GMEB1: variants seen among roughly 807,000 people sequenced by gnomAD.
The protein encoded by GMEB1 is glucocorticoid modulatory element binding protein 1.
In GMEB1, 6 loss-of-function variants were observed where a neutral mutation model predicts 52.4. The ratio of observed to expected loss-of-function variants is 0.11; its 90% confidence interval spans 0.06 to 0.23. The LOEUF is 0.23. Ranked by LOEUF, GMEB1 falls within the 10% of genes least tolerant of loss-of-function variation. The pLI is 1.00. For synonymous variants in GMEB1, 255 were observed against 244.9 expected, an observed-to-expected ratio of 1.04 and a Z score of -0.38; for missense variants, 486 against 685.6, an observed-to-expected ratio of 0.71 and a Z score of 3.25.
rs538854427 is a variant in GMEB1, at chr1:28,717,108, G to A, written c.*2335G>A. On this transcript the variant is annotated 3_prime_UTR_variant, in exon 10 of 10. Transcript: ENST00000373816. ...CAACAGATGTTGGAAACCCCATCGA[G>A]CAAGTAAAAGTTGCATTCTCCATCC... 2 of 151,070 alleles carry A rather than the reference G, an allele frequency of 1.3e-5. No homozygotes were observed. The highest frequency in any genetic ancestry group is 1.9e-4 in the East Asian group (1 of 5,142). The allele number at this position is 151,070 out of a possible 1,614,324, so 9.4% of individuals were successfully genotyped here. A position where few individuals can be genotyped will look rare whatever the true frequency, so the allele number is the denominator to read the frequency against.
intron 1 of GMEB1, among the ~76,000 whole-genome samples, chr1:28,672,391 T>G (rs1385655704): frequency 6.7e-6 from 1 of 148,902 alleles, no homozygotes; most frequent in African/African-American, 2.5e-5. Context: ...CTAATTTTTT[T>G]TTTTTGTATT....
rs1557527613 is a variant in GMEB1, at chr1:28,714,859, A to G, written c.*86A>G. 2 of 896,712 alleles carry G rather than the reference A, an allele frequency of 2.2e-6. No homozygotes were observed. Among genetic ancestry groups the G allele is most frequent in the Admixed American group, 2.7e-5 (1 of 37,598 alleles). The allele number at this position is 896,712 out of a possible 1,614,324, so 55.5% of individuals were successfully genotyped here. A position where few individuals can be genotyped will look rare whatever the true frequency, so the allele number is the denominator to read the frequency against. ...TTATCATTGTCCCACTCATTTCCAC[A>G]TAGGACCCTTTTTTAAAAAAAAAAA... is the stretch of plus-strand genomic sequence containing the variant. On this transcript the variant is annotated 3_prime_UTR_variant, in exon 10 of 10. Coordinates refer to ENST00000373816, the MANE Select transcript of GMEB1 (RefSeq NM_001319674.2).
chr1:28,688,058 G>A (rs910476740), intron 2 of GMEB1, among the ~76,000 whole-genome samples: 3 of 152,146 alleles, frequency 2.0e-5, no homozygotes, highest in African/African-American at 7.2e-5. Context: ...GCGGAGGTGG[G>A]CAGATCACCT....
chr1:28,668,736 C>A (rs983609700), upstream of GMEB1: 9 of 152,618 alleles, frequency 5.9e-5, no homozygotes, highest in African/African-American at 1.9e-4. Context: ...GTGTTGAAGC[C>A]CGGCCTGGCG....
chr1:28,683,797 GA>G lies in GMEB1; in HGVS notation c.128+60del. On this transcript the variant is annotated intron_variant, in intron 2 of 9. Transcript: ENST00000373816. ...TATTTTGGGAAGCTTCAAGGGTGGGGAAATTATAACTTTATGGTTGCTTAGC... is the reference window on the plus strand; with the variant it reads ...TATTTTGGGAAGCTTCAAGGGTGGGGAATTATAACTTTATGGTTGCTTAGC... The G allele has an allele frequency of 8.4e-6, 13 of 1,544,458 alleles. No individual in the cohort carries two copies. The South Asian group carries it at 1.5e-4, about 18-fold the overall frequency.
chr1:28,673,360 G>A (rs1403342349), intron 1 of GMEB1, among the ~76,000 whole-genome samples: 5 of 152,136 alleles, frequency 3.3e-5, no homozygotes, highest in Non-Finnish European at 7.4e-5. Context: ...GGGTTCAAGC[G>A]ATTCTCCTGC....
intron 6 of GMEB1, among the ~76,000 whole-genome samples, chr1:28,698,285 C>G (rs1670323178): frequency 6.7e-6 from 1 of 148,400 alleles, no homozygotes; most frequent in Non-Finnish European, 1.5e-5. Context: ...GGGAGAATTG[C>G]TTGAACCTGG....
chr1:28,673,085 T>C (rs1668976240), intron 1 of GMEB1, among the ~76,000 whole-genome samples: 1 of 151,870 alleles, frequency 6.6e-6, no homozygotes. Flanking sequence ...AGTAGAGACG[T>C]GGTTTCTCCA....
At chr1:28,702,007 C>G (rs781416263) in intron 6 of GMEB1, among the ~76,000 whole-genome samples, 27 of 152,154 alleles carry the variant, frequency 1.8e-4, no homozygotes, top group Non-Finnish European at 5.9e-5. Flanking sequence ...TAGCATCAGA[C>G]TTGCTTGTAG....
chr1:28,669,439 G>C (rs892674539), intron 1 of GMEB1, among the ~76,000 whole-genome samples: 4 of 152,144 alleles, frequency 2.6e-5, no homozygotes, highest in Non-Finnish European at 5.9e-5. Flanking sequence ...CTTGGCGGGA[G>C]AGCAAGAGTA....
rs553463106 is a variant in GMEB1, at chr1:28,702,994, G to A, written c.730+425G>A. ...ATCGCGCCACTGCACTCCAGCCTGG[G>A]CGACTAAGCAAGACTCCATCTCAAA... On this transcript the variant is annotated intron_variant, in intron 7 of 9. Coordinates refer to ENST00000373816, the MANE Select transcript of GMEB1 (RefSeq NM_001319674.2). 2.6e-5 allele frequency among the ~76,000 whole-genome samples: 4 copies of A among 152,272 alleles called. No homozygotes were observed. In the South Asian group the frequency reaches 6.2e-4, roughly 24 times the overall value.
In GMEB1 at chr1:28,714,557, C is replaced by A. The variant is rs200465440; in HGVS notation, c.1476C>A (p.Ser492=). The A allele has an allele frequency of 1.2e-6, 2 of 1,613,998 alleles. No homozygotes were observed. The highest frequency in any genetic ancestry group is 1.7e-6 in the Non-Finnish European group (2 of 1,180,032). Residue 492 remains serine, a synonymous_variant, in exon 10 of 10, where the codon TCC becomes TCA. Coordinates refer to ENST00000373816, the MANE Select transcript of GMEB1 (RefSeq NM_001319674.2). ...VSPVELVAME[S]GLTSAIQAVE... Reference sequence around the variant, plus strand: ...CTGTGGAATTGGTGGCCATGGAGTCCGGCCTAACCTCGGCAATTCAGGCTG... The same window carrying A: ...CTGTGGAATTGGTGGCCATGGAGTCAGGCCTAACCTCGGCAATTCAGGCTG...
chr1:28,699,288 A>G (rs1670380286), intron 6 of GMEB1, among the ~76,000 whole-genome samples: 1 of 152,210 alleles, frequency 6.6e-6, no homozygotes, highest in Non-Finnish European at 1.5e-5. Context: ...TTAAGGATTT[A>G]GTTAGTCCAG....
chr1:28,671,523 C>T (rs1246422825), intron 1 of GMEB1, among the ~76,000 whole-genome samples: 2 of 152,036 alleles, frequency 1.3e-5, no homozygotes, highest in African/African-American at 4.8e-5. Flanking sequence ...CTCGGCCTCT[C>T]TTTAGCTCGA....
chr1:28,719,137 G>C lies in GMEB1; in HGVS notation c.*4364G>C, dbSNP rs1470109244. 6.6e-6 allele frequency: 1 copy of C among 152,168 alleles called. No homozygotes were observed. The highest frequency in any genetic ancestry group is 1.5e-5 in the Non-Finnish European group (1 of 68,040). The allele number at this position is 152,168 out of a possible 1,614,324, so 9.4% of individuals were successfully genotyped here. A position where few individuals can be genotyped will look rare whatever the true frequency, so the allele number is the denominator to read the frequency against. ...GAATCCAGTGCAGGACTGGAGTCTA[G>C]CTGGCAAAGGGTAAATGCCCCCAAA... On this transcript the variant is annotated 3_prime_UTR_variant, in exon 10 of 10. Coordinates refer to ENST00000373816, the MANE Select transcript of GMEB1 (RefSeq NM_001319674.2).
chr1:28,669,555 G>A (rs1244166040), intron 1 of GMEB1, among the ~76,000 whole-genome samples: 2 of 152,084 alleles, frequency 1.3e-5, no homozygotes, highest in South Asian at 2.1e-4. Context: ...TTTTTCCAAA[G>A]GCAGGGAAGG....
At chr1:28,681,159 G>C (rs564890261) in intron 1 of GMEB1, among the ~76,000 whole-genome samples, 16 of 152,318 alleles carry the variant, frequency 1.1e-4, no homozygotes, top group African/African-American at 3.8e-4. Flanking sequence ...GGTGCTGAGA[G>C]ATCAAGAACA....
At chr1:28,705,102 AC>A (rs1670686269) in intron 8 of GMEB1, among the ~76,000 whole-genome samples, 1 of 150,150 alleles carries the variant, frequency 6.7e-6, no homozygotes, top group Non-Finnish European at 1.5e-5. Context: ...AAAAAAAAAA[AC>A]ACAGGCCAGG....
intron 4 of GMEB1, 47 bp from the exon 5 acceptor site, chr1:28,692,895 T>C: frequency 1.0e-6 from 1 of 972,278 alleles, no homozygotes; most frequent in Non-Finnish European, 1.6e-6. Flanking sequence ...CCTCTTGGCC[T>C]GCCTAAGTTG....
Sources: gnomAD v4.1 joint callset for allele counts (sites outside exome capture counted in the v4.1 genomes callset) on GRCh38, gnomAD v4.1.1 for gene constraint, MANE v1.5 for transcripts, NCBI Gene and HGNC (gene_info 2026-07-23, HGNC 2026-07-21) for gene names.